The following WWP2 variants were observed in gnomAD, a reference collection of about 807,000 sequenced individuals.
WWP2 encodes NEDD4-like E3 ubiquitin-protein ligase WWP2.
In WWP2, 57 loss-of-function variants were observed where a neutral mutation model predicts 121.0. That is an observed-to-expected ratio of 0.47 (90% CI 0.38 to 0.59). The LOEUF (loss-of-function observed/expected upper bound fraction) is 0.59, where lower values mean the gene tolerates loss of function less well. Ranked by LOEUF, WWP2 falls within the 20% of genes least tolerant of loss-of-function variation. The pLI is 0.00. For missense variants in WWP2, 962 were observed against 1,158.9 expected, an observed-to-expected ratio of 0.83 and a Z score of 2.47; for synonymous variants, 449 against 441.3, an observed-to-expected ratio of 1.02 and a Z score of -0.22.
chr16:69,840,081 G>A (rs764734182), intron 4 of WWP2, 45 bp from the exon 5 acceptor site: 20 of 1,605,232 alleles, frequency 1.2e-5, no homozygotes, highest in South Asian at 5.5e-5. Context: ...TTAACTTGGG[G>A]TGCATTCTCT....
rs944114395 is a variant in WWP2, at chr16:69,937,711, G to A, written c.2343+59G>A. 4 of 1,555,276 alleles carry A rather than the reference G, an allele frequency of 2.6e-6. No individual in the cohort carries two copies. In the African/African-American group the frequency reaches 5.4e-5, roughly 21 times the overall value. ...TTGGGCCATCAACCAAAGGAAACGG[G>A]TCCTGAGGAGGCCTCACGCGCAAGG... On this transcript the variant is annotated intron_variant, in intron 21 of 23. Coordinates refer to ENST00000359154, the MANE Select transcript of WWP2 (RefSeq NM_001270454.2). The surrounding 1 kb of genome is among the most constrained non-coding windows in gnomAD (Gnocchi z 6.6).
chr16:69,933,023 G>T (rs113500623), intron 16 of WWP2: 4 of 477,462 alleles, frequency 8.4e-6, no homozygotes, highest in Admixed American at 2.3e-5. Context: ...CCTTTTTTCC[G>T]TGGTGACCTC....
At chr16:69,800,419 C>T (rs964641209) in intron 4 of WWP2, among the ~76,000 whole-genome samples, 1 of 152,136 alleles carries the variant, frequency 6.6e-6, no homozygotes, top group Non-Finnish European at 1.5e-5. Flanking sequence ...GATGCAGCAA[C>T]CAGCATGAGG....
intron 7 of WWP2, among the ~76,000 whole-genome samples, chr16:69,886,823 A>G (rs1292835694): frequency 6.6e-6 from 1 of 152,336 alleles, no homozygotes; most frequent in South Asian, 2.1e-4. Context: ...GGATGATTCT[A>G]TAGTGAGCTC....
chr16:69,802,054 C>T (rs898409941), intron 4 of WWP2, among the ~76,000 whole-genome samples: 6 of 151,994 alleles, frequency 3.9e-5, no homozygotes, highest in East Asian at 3.9e-4. Context: ...CTCAGCCTCC[C>T]GAGTAGCTGG....
intron 6 of WWP2, among the ~76,000 whole-genome samples, chr16:69,852,090 A>C (rs1360891014): frequency 6.6e-6 from 1 of 152,182 alleles, no homozygotes; most frequent in Non-Finnish European, 1.5e-5. Context: ...TTTTGTAAGA[A>C]ACTGCTAAAC....
intron 6 of WWP2, among the ~76,000 whole-genome samples, chr16:69,852,138 C>G (rs1199786185): frequency 6.6e-6 from 1 of 152,218 alleles, no homozygotes; most frequent in East Asian, 1.9e-4. Context: ...GCATTGCCAC[C>G]AGCAGTGAGT....
intron 4 of WWP2, among the ~76,000 whole-genome samples, chr16:69,834,810 G>A (rs2056847661): frequency 6.6e-6 from 1 of 150,518 alleles, no homozygotes; most frequent in Non-Finnish European, 1.5e-5. Flanking sequence ...TTACAGACGT[G>A]AGCCATGGCG....
rs571009963 is a variant in WWP2 at position 69,940,315 on chromosome 16, C to T, written c.*375C>T. The T allele has an allele frequency of 4.7e-4, 97 of 205,252 alleles. No individual in the cohort carries two copies. Among genetic ancestry groups the T allele is most frequent in the African/African-American group, 2.1e-3 (93 of 43,626 alleles). The allele number at this position is 205,252 out of a possible 1,614,324, so 12.7% of individuals were successfully genotyped here. A position where few individuals can be genotyped will look rare whatever the true frequency, so the allele number is the denominator to read the frequency against. On this transcript the variant is annotated 3_prime_UTR_variant, in exon 24 of 24. Coordinates refer to ENST00000359154, the MANE Select transcript of WWP2 (RefSeq NM_001270454.2). Reference sequence around the variant, plus strand: ...AGGCCGGAGACCTCCTGGACTAGTTCGGCGAGGAGACTGGCCACTGGGGGT... The same window carrying T: ...AGGCCGGAGACCTCCTGGACTAGTTTGGCGAGGAGACTGGCCACTGGGGGT...
At chr16:69,864,463 C>A (rs2057482228) in intron 6 of WWP2, among the ~76,000 whole-genome samples, 1 of 152,204 alleles carries the variant, frequency 6.6e-6, no homozygotes, top group African/African-American at 2.4e-5. Context: ...TACAAAGTGG[C>A]TGTGTTCCCG....
intron 4 of WWP2, among the ~76,000 whole-genome samples, chr16:69,835,664 A>G (rs527710485): frequency 6.6e-6 from 1 of 152,280 alleles, no homozygotes; most frequent in East Asian, 1.9e-4. Flanking sequence ...TTGAAGGTAA[A>G]TTGCAGATAT....
intron 4 of WWP2, among the ~76,000 whole-genome samples, chr16:69,822,231 GTTTC>G (rs1425102689): frequency 4.6e-5 from 7 of 152,120 alleles, no homozygotes; most frequent in Admixed American, 6.6e-5. Flanking sequence ...TTGTGTGAGA[GTTTC>G]TTTCTTCTCT....
chr16:69,861,772 T>C (rs1239693434), intron 6 of WWP2, among the ~76,000 whole-genome samples: 1 of 152,090 alleles, frequency 6.6e-6, no homozygotes, highest in Non-Finnish European at 1.5e-5. Context: ...CATTACGGCT[T>C]CCTTTTTTAT....
chr16:69,846,049 C>CAAAAAAAAAAAAAAAAAAAAAAAAAAA (rs57201672), intron 6 of WWP2, among the ~76,000 whole-genome samples: 9 of 45,592 alleles, frequency 2.0e-4, no homozygotes, highest in Non-Finnish European at 3.2e-4. Context: ...GACTCCATCT[C>CAAAAAAAAAAAAAAAAAAAAAAAAAAA]AAAAAAAAAA....
intron 2 of WWP2, among the ~76,000 whole-genome samples, chr16:69,790,962 C>T (rs2151800285): frequency 6.6e-6 from 1 of 152,242 alleles, no homozygotes; most frequent in South Asian, 2.1e-4. Context: ...TTTCTTATTA[C>T]ATTATTGATT....
intron 4 of WWP2, among the ~76,000 whole-genome samples, chr16:69,802,377 C>G (rs1249506450): frequency 6.6e-6 from 1 of 152,178 alleles, no homozygotes; most frequent in Non-Finnish European, 1.5e-5. Flanking sequence ...CCTTGCAAAA[C>G]TGAAATTCTG....
chr16:69,822,478 A>T (rs111609401), intron 4 of WWP2, among the ~76,000 whole-genome samples: 4 of 152,166 alleles, frequency 2.6e-5, no homozygotes, highest in African/African-American at 9.6e-5. Flanking sequence ...CGATGGAGCA[A>T]AGTACAGGAT....
intron 4 of WWP2, among the ~76,000 whole-genome samples, chr16:69,811,808 T>C (rs762022820): frequency 2.6e-5 from 4 of 152,074 alleles, no homozygotes; most frequent in African/African-American, 4.8e-5. Flanking sequence ...AACAAAGAAC[T>C]CCTCAATGTC....
At chr16:69,764,293 T>A (rs79685426) in intron 1 of WWP2, among the ~76,000 whole-genome samples, 12,459 of 152,240 alleles carry the variant, frequency 0.082, 636 homozygotes, top group South Asian at 0.21. Flanking sequence ...TTGACCTGCC[T>A]GGGCTCGGGT....
Sources: allele counts gnomAD v4.1 joint callset (sites outside exome capture counted in the v4.1 genomes callset), GRCh38; gene constraint gnomAD v4.1.1; non-coding constraint Gnocchi (gnomAD v3.1); transcripts MANE v1.5; gene names NCBI Gene and HGNC (gene_info 2026-07-23, HGNC 2026-07-21).